AKR1C8: variants seen among roughly 807,000 people sequenced by gnomAD.
AKR1C8 encodes the protein aldo-keto reductase family 1 member C-like protein 1.
At chr10:5,166,319 T>C in the AKR1C8 span, among the ~76,000 whole-genome samples, 13,123 of 152,154 alleles carry the variant, frequency 0.086, 684 homozygotes, top group East Asian at 0.14. Flanking sequence ...AAAAAGAGCC[T>C]GCATTGCCAA....
At chr10:5,134,584 T>C in the AKR1C8 span, among the ~76,000 whole-genome samples, 20 of 152,298 alleles carry the variant, frequency 1.3e-4, no homozygotes, top group East Asian at 2.9e-3. Context: ...TTTTTCCTTT[T>C]AATTTTCCTA....
At chr10:5,160,980 G>C in the AKR1C8 span, 4 of 435,670 alleles carry the variant, frequency 9.2e-6, no homozygotes, top group South Asian at 6.8e-5. Context: ...ACCTTCAAGA[G>C]TTTCAGGAGG....
At chr10:5,180,868 G>A in the AKR1C8 span, among the ~76,000 whole-genome samples, 4 of 152,208 alleles carry the variant, frequency 2.6e-5, no homozygotes, top group South Asian at 2.1e-4. Flanking sequence ...GGAGTGACCC[G>A]ATTTTCCAGG....
the AKR1C8 span, among the ~76,000 whole-genome samples, chr10:5,145,692 G>C: frequency 1.4e-3 from 210 of 152,232 alleles, 1 homozygote; most frequent in African/African-American, 4.9e-3. Flanking sequence ...AAAAAGTCAG[G>C]AAACAACAGG....
the AKR1C8 span, among the ~76,000 whole-genome samples, chr10:5,130,695 A>G: frequency 2.0e-5 from 3 of 152,014 alleles, no homozygotes; most frequent in South Asian, 6.2e-4. Flanking sequence ...AAAATAAAAT[A>G]AAATCCCTAG....
chr10:5,173,215 A>C, the AKR1C8 span, among the ~76,000 whole-genome samples: 1 of 152,196 alleles, frequency 6.6e-6, no homozygotes, highest in Non-Finnish European at 1.5e-5. Context: ...GGGAAAAAAA[A>C]CCTTTTCTAG....
At chr10:5,124,826 G>T in the AKR1C8 span, among the ~76,000 whole-genome samples, 1 of 152,092 alleles carries the variant, frequency 6.6e-6, no homozygotes, top group Non-Finnish European at 1.5e-5. Context: ...ATCAAAATTA[G>T]CATGACTAAT....
the AKR1C8 span, among the ~76,000 whole-genome samples, chr10:5,168,747 A>C: frequency 6.6e-6 from 1 of 152,138 alleles, no homozygotes; most frequent in African/African-American, 2.4e-5. Context: ...AAAGAGAATG[A>C]AAAAGATAAG....
chr10:5,138,013 G>A, the AKR1C8 span, among the ~76,000 whole-genome samples: 49,683 of 151,580 alleles, frequency 0.33, 9,200 homozygotes, highest in East Asian at 0.63. Context: ...ACTGATAAGG[G>A]TCCAACAAAG....
the AKR1C8 span, among the ~76,000 whole-genome samples, chr10:5,179,677 T>C: frequency 6.6e-6 from 1 of 150,378 alleles, no homozygotes; most frequent in Non-Finnish European, 1.5e-5. Flanking sequence ...TTTGTTCTTT[T>C]TATTCTTTTT....
chr10:5,121,255 A>T, the AKR1C8 span, among the ~76,000 whole-genome samples: 1 of 152,164 alleles, frequency 6.6e-6, no homozygotes, highest in Admixed American at 6.6e-5. Flanking sequence ...GTTTGTGAAC[A>T]AACCAAAGTT....
At chr10:5,136,197 A>C in the AKR1C8 span, among the ~76,000 whole-genome samples, 1 of 152,212 alleles carries the variant, frequency 6.6e-6, no homozygotes, top group Admixed American at 6.5e-5. Context: ...TAAATTGGTG[A>C]ATAATCCTCA....
the AKR1C8 span, among the ~76,000 whole-genome samples, chr10:5,145,259 G>A: frequency 6.6e-6 from 1 of 152,022 alleles, no homozygotes; most frequent in Non-Finnish European, 1.5e-5. Context: ...GAAAACCTAG[G>A]CAATACCATT....
chr10:5,125,909 A>G, the AKR1C8 span, among the ~76,000 whole-genome samples: 3 of 152,184 alleles, frequency 2.0e-5, no homozygotes, highest in Admixed American at 1.3e-4. Flanking sequence ...AGCAATAGCA[A>G]TCTATCACTG....
chr10:5,121,122 C>T, the AKR1C8 span, among the ~76,000 whole-genome samples: 2 of 152,034 alleles, frequency 1.3e-5, no homozygotes, highest in Admixed American at 6.6e-5. Flanking sequence ...CGGGTGCAAA[C>T]ACACATAAAA....
the AKR1C8 span, among the ~76,000 whole-genome samples, chr10:5,139,343 G>A: frequency 1.2e-4 from 18 of 152,250 alleles, no homozygotes; most frequent in Middle Eastern, 0.01. Flanking sequence ...GCATTGCCAA[G>A]ACAATCCTAA....
At chr10:5,123,908 GAATA>G in the AKR1C8 span, 42 of 1,312,430 alleles carry the variant, frequency 3.2e-5, no homozygotes, top group Non-Finnish European at 4.2e-5. Context: ...AAAAGGAGGT[GAATA>G]AATATGTGTA....
At chr10:5,166,406 C>A in the AKR1C8 span, among the ~76,000 whole-genome samples, 62 of 152,106 alleles carry the variant, frequency 4.1e-4, no homozygotes, top group Middle Eastern at 3.4e-3. Context: ...GGCTACAGTA[C>A]CCAAAACAGC....
At chr10:5,180,417 G>C in the AKR1C8 span, among the ~76,000 whole-genome samples, 10,702 of 152,300 alleles carry the variant, frequency 0.07, 430 homozygotes, top group Middle Eastern at 0.092. Context: ...GCTGCTCGGG[G>C]GTTAGGGGTC....
Sources: allele counts gnomAD v4.1 joint callset (sites outside exome capture counted in the v4.1 genomes callset), GRCh38; gene constraint gnomAD v4.1.1; transcripts MANE v1.5; gene names NCBI Gene and HGNC (gene_info 2026-07-23, HGNC 2026-07-21).